The following SUGP1 variants were observed in gnomAD, a reference collection of about 807,000 sequenced individuals.
The protein encoded by SUGP1 is SURP and G-patch domain containing 1.
In SUGP1, 34 loss-of-function variants were observed where a neutral mutation model predicts 76.5. The observed-to-expected ratio is 0.44, with a 90% confidence interval of 0.34 to 0.59. The LOEUF (loss-of-function observed/expected upper bound fraction) is 0.59. Ranked by LOEUF, SUGP1 falls within the 20% of genes least tolerant of loss-of-function variation. The pLI, the probability that SUGP1 is intolerant of heterozygous loss-of-function variation, is 0.01. For missense variants in SUGP1, 752 were observed against 851.7 expected, an observed-to-expected ratio of 0.88 and a Z score of 1.46; for synonymous variants, 326 against 326.2, an observed-to-expected ratio of 1.00 and a Z score of 0.01.
chr19:19,300,596 G>A (rs2061263640), intron 7 of SUGP1, among the ~76,000 whole-genome samples: 1 of 152,182 alleles, frequency 6.6e-6, no homozygotes, highest in African/African-American at 2.4e-5. Context: ...TTAAACACAG[G>A]AGCAAACCTG....
intron 13 of SUGP1, 44 bp downstream of exon 13, chr19:19,276,903 T>A: frequency 6.2e-7 from 1 of 1,608,110 alleles, no homozygotes; most frequent in Non-Finnish European, 8.5e-7. Flanking sequence ...ACCACCACCC[T>A]CTCCTGTCGA....
In SUGP1 at chr19:19,306,088, G is replaced by A. The variant is rs763853796; in HGVS notation, c.311-12C>T. The A allele has an allele frequency of 1.9e-6, 3 of 1,566,026 alleles. No homozygotes were observed. Among genetic ancestry groups the A allele is most frequent in the Middle Eastern group, 1.8e-4 (1 of 5,652 alleles). On this transcript the variant is annotated splice_polypyrimidine_tract_variant and intron_variant, in intron 3 of 13. Coordinates refer to ENST00000247001, the MANE Select transcript of SUGP1 (RefSeq NM_172231.4). The stretch of plus-strand genomic sequence containing the variant: ...ACTGGTCGGGGCGTCTGGTATAGAA[G>A]GAAGGATATGCGCACTCGGGATCTG...
At chr19:19,277,413 G>T (rs533856300) in intron 12 of SUGP1, among the ~76,000 whole-genome samples, 71 of 152,264 alleles carry the variant, frequency 4.7e-4, no homozygotes, top group African/African-American at 1.7e-3. Context: ...CCATCTCTGG[G>T]AGTGGTTTCG....
intron 2 of SUGP1, among the ~76,000 whole-genome samples, chr19:19,312,201 T>A (rs1237686553): frequency 6.6e-6 from 1 of 152,036 alleles, no homozygotes. Context: ...CACTCTAGCC[T>A]GGGTGACAGA....
chr19:19,303,539 G>T, intron 5 of SUGP1, 91 bp from the exon 6 acceptor site: 1 of 1,398,726 alleles, frequency 7.1e-7, no homozygotes, highest in Non-Finnish European at 1.0e-6. Flanking sequence ...AAAAAGGCAG[G>T]CTGGCGAGCA....
intron 2 of SUGP1, among the ~76,000 whole-genome samples, chr19:19,312,532 C>A (rs2061359848): frequency 6.6e-6 from 1 of 152,058 alleles, no homozygotes; most frequent in East Asian, 1.9e-4. Context: ...TAGCCTTTTT[C>A]CTTTAAATAG....
chr19:19,295,605 C>CCA (rs2061219036), intron 8 of SUGP1, among the ~76,000 whole-genome samples: 1 of 66,810 alleles, frequency 1.5e-5, no homozygotes, highest in Admixed American at 1.9e-4. Context: ...GACTCCTTCT[C>CCA]AAAAAAAAAA....
intron 8 of SUGP1, among the ~76,000 whole-genome samples, chr19:19,283,964 G>C (rs1255759946): frequency 2.6e-5 from 4 of 152,206 alleles, no homozygotes; most frequent in Non-Finnish European, 5.9e-5. Flanking sequence ...TGTTGCTATT[G>C]TAATGAGCTC....
intron 6 of SUGP1, among the ~76,000 whole-genome samples, 155 bp downstream of exon 6, chr19:19,303,193 T>C (rs946915915): frequency 1.3e-5 from 2 of 152,108 alleles, no homozygotes; most frequent in Non-Finnish European, 2.9e-5. Context: ...GTCAGACCCA[T>C]TCCCAGAGTG....
chr19:19,303,289 T>G lies in SUGP1; in HGVS notation c.763+59A>C, dbSNP rs539880318. ...CACCTCCAGGAACCCCGATTCCGCA[T>G]TGGGGCACGGTATGTCCACAGGCCT... On this transcript the variant is annotated intron_variant, in intron 6 of 13. Transcript: ENST00000247001. 2.9e-4 allele frequency: 419 copies of G among 1,458,768 alleles called. 1 individual carries two copies. The highest frequency in any genetic ancestry group is 3.8e-4 in the Non-Finnish European group (400 of 1,040,774). 90.4% of individuals were successfully genotyped at this position (1,458,768 alleles called of 1,614,324 possible). A position where few individuals can be genotyped will look rare whatever the true frequency, so the allele number is the denominator to read the frequency against.
chr19:19,290,796 A>G (rs1423062197), intron 8 of SUGP1, among the ~76,000 whole-genome samples: 5 of 152,208 alleles, frequency 3.3e-5, no homozygotes, highest in African/African-American at 9.6e-5. Flanking sequence ...GTTAATATAT[A>G]TAACAATCAT....
intron 8 of SUGP1, among the ~76,000 whole-genome samples, chr19:19,283,189 T>A (rs1419607870): frequency 6.6e-6 from 1 of 152,206 alleles, no homozygotes; most frequent in African/African-American, 2.4e-5. Flanking sequence ...AGTTAAACTT[T>A]ATCAAAACTT....
In SUGP1 at chr19:19,303,397, C is replaced by T. The variant is rs2061287386; in HGVS notation, c.714G>A (p.Val238=). 1.2e-6 allele frequency: 2 copies of T among 1,614,048 alleles called. No homozygotes were observed. The highest frequency in any genetic ancestry group is 1.7e-5 in the Admixed American group (1 of 59,994). ...SREFLYYRKK[V]AEIRKEAQKS... is the part of the protein sequence containing the mutation. ...TCTGTGCTTCCTTTCTTATCTCAGC[C>T]ACCTTCTTCCTGTAGTAGAGGAATT... The change falls in exon 6 of 14, where the codon GTG becomes GTA. Residue 238 remains valine, a synonymous_variant. Transcript: ENST00000247001.
chr19:19,292,675 AG>A, intron 8 of SUGP1, among the ~76,000 whole-genome samples: 1 of 152,210 alleles, frequency 6.6e-6, no homozygotes, highest in Non-Finnish European at 1.5e-5. Flanking sequence ...TCAAAAAAAA[AG>A]AAAAAGAAAG....
Position 19,282,260 on chromosome 19 carries a change from G to A in SUGP1, c.1244-1969C>T, listed in dbSNP as rs535627025. Among the ~76,000 whole-genome samples, 115 of 151,616 alleles carry A rather than the reference G, an allele frequency of 7.6e-4. 1 individual carries two copies. Among genetic ancestry groups the A allele is most frequent in the African/African-American group, 2.3e-3 (95 of 41,394 alleles). On this transcript the variant is annotated intron_variant, in intron 8 of 13. Transcript: ENST00000247001. Reference sequence around the variant, plus strand: ...CTCCCAAAGTGCTGGGATTACAGGCGTGAGCCACCACACCCAGCCTCCTGA... The same window carrying A: ...CTCCCAAAGTGCTGGGATTACAGGCATGAGCCACCACACCCAGCCTCCTGA...
At chr19:19,307,145 G>A (rs766879556) in intron 3 of SUGP1, among the ~76,000 whole-genome samples, 2 of 152,026 alleles carry the variant, frequency 1.3e-5, no homozygotes, top group Non-Finnish European at 2.9e-5. Context: ...CTGAACTCCT[G>A]GGCTCAAGCA....
intron 8 of SUGP1, among the ~76,000 whole-genome samples, chr19:19,291,889 T>TCACTCACACA (rs1555788750): frequency 8.5e-5 from 11 of 128,710 alleles, no homozygotes; most frequent in African/African-American, 2.6e-4. Context: ...TGAGACTCTG[T>TCACTCACACA]CACACACACA....
chr19:19,316,740 C>T, intron 1 of SUGP1, 147 bp from the exon 2 acceptor site: 1 of 886,872 alleles, frequency 1.1e-6, no homozygotes. Flanking sequence ...AGAGTGCCTG[C>T]TGCATACCAT....
Position 19,305,879 on chromosome 19 carries a change from C to A in SUGP1, c.508G>T (p.Glu170Ter), listed in dbSNP as rs2061313473. ...ATCTCCAGCCACTGCTCATAGTCCT[C>A]CTCCTCGTCCTCGTCAGGGGACTGG... is the stretch of plus-strand genomic sequence containing the variant. ...VFQSPDEDEE[E>*]DYEQWLEIKV... The change falls in exon 4 of 14, where the codon GAG becomes TAG. Residue 170 changes from glutamate to a stop codon, truncating the protein, a stop_gained. Coordinates refer to ENST00000247001, the MANE Select transcript of SUGP1 (RefSeq NM_172231.4). LOFTEE classifies it high-confidence loss of function. 2 of 1,612,392 alleles carry A rather than the reference C, an allele frequency of 1.2e-6. No homozygotes were observed. Among genetic ancestry groups the A allele is most frequent in the Non-Finnish European group, 1.7e-6 (2 of 1,179,132 alleles).
Sources: allele counts gnomAD v4.1 joint callset (sites outside exome capture counted in the v4.1 genomes callset), GRCh38; gene constraint gnomAD v4.1.1; transcripts MANE v1.5; gene names NCBI Gene and HGNC (gene_info 2026-07-23, HGNC 2026-07-21).